The following PFKM variants were observed in gnomAD, a reference collection of about 807,000 sequenced individuals.
PFKM encodes the protein phosphofructokinase, muscle.
PFKM carries 58 observed loss-of-function variants against 95.5 expected under a neutral mutation model. The ratio of observed to expected loss-of-function variants is 0.61; its 90% CI spans 0.49 to 0.76. The LOEUF (loss-of-function observed/expected upper bound fraction) is 0.76. PFKM is among the 30% of genes least tolerant of loss of function. The pLI, the probability that PFKM is intolerant of heterozygous loss-of-function variation, is 0.00. For synonymous variants in PFKM, 336 were observed against 357.2 expected (o/e 0.94, Z 0.67); for missense variants, 678 against 1,005.4 (o/e 0.67, Z 4.40).
chr12:48,133,109 G>A lies in PFKM; in HGVS notation c.427+52G>A, dbSNP rs41291961. 0.079 allele frequency: 119,321 copies of A among 1,517,228 alleles called. 5,609 individuals are homozygous for A. The highest frequency in any genetic ancestry group is 0.096 in the Non-Finnish European group (104,265 of 1,091,512). The allele number at this position is 1,517,228 out of a possible 1,614,324, so 94.0% of individuals were successfully genotyped here. ...CTTATTTGTGTCGGTACGTGCACGC[G>A]TGTACACACACACATCGCCCCCGCC... On this transcript the variant is annotated intron_variant, in intron 5 of 22. Transcript: ENST00000359794.
intron 2 of PFKM, chr12:48,107,565 A>G (rs1337424271): frequency 9.8e-6 from 7 of 713,586 alleles, no homozygotes; most frequent in South Asian, 1.6e-5. Context: ...TTAGGGGTCA[A>G]CTGACCTTGT....
intron 4 of PFKM, chr12:48,131,985 T>C (rs775375068): frequency 2.2e-6 from 1 of 455,854 alleles, no homozygotes; most frequent in Non-Finnish European, 4.4e-6. Flanking sequence ...TTACTGAAAA[T>C]TTGTAAATTA....
At chr12:48,118,269 T>C (rs1947851752), upstream of PFKM, among the ~76,000 whole-genome samples, 1 of 152,204 alleles carries the variant, frequency 6.6e-6, no homozygotes, top group African/African-American at 2.4e-5. Context: ...ATTTTATTTT[T>C]GGTTTACATT....
At chr12:48,105,858 G>C (rs950944034), upstream of PFKM, 14 of 603,496 alleles carry the variant, frequency 2.3e-5, no homozygotes, top group African/African-American at 1.7e-4. Context: ...CGGACAGCAG[G>C]GGGGAGGGGA....
intron 3 of PFKM, among the ~76,000 whole-genome samples, chr12:48,109,224 A>AT (rs1409200243): frequency 6.6e-6 from 1 of 152,226 alleles, no homozygotes; most frequent in African/African-American, 2.4e-5. Flanking sequence ...AGGGTTCAAA[A>AT]TAACTTTGGT....
chr12:48,144,454 TGTTCTATGCAC>T (rs1388654581), intron 20 of PFKM, among the ~76,000 whole-genome samples: 1 of 152,238 alleles, frequency 6.6e-6, no homozygotes, highest in African/African-American at 2.4e-5. Context: ...CATGGGTGGC[TGTTCTATGCAC>T]TGTAGGACAG....
chr12:48,142,215 C>G, intron 17 of PFKM, 149 bp downstream of exon 17: 1 of 847,640 alleles, frequency 1.2e-6, no homozygotes, highest in Non-Finnish European at 1.9e-6. Context: ...GCTCACACTT[C>G]TAATCCCAGC....
intron 3 of PFKM, among the ~76,000 whole-genome samples, chr12:48,113,733 CCTCTA>C (rs1947418375): frequency 6.6e-6 from 1 of 152,144 alleles, no homozygotes; most frequent in East Asian, 1.9e-4. Flanking sequence ...AAATACGTTG[CCTCTA>C]CTCTATTATT....
At chr12:48,133,156 G>T in intron 5 of PFKM, 99 bp downstream of exon 5, 2 of 1,350,738 alleles carry the variant, frequency 1.5e-6, no homozygotes, top group Non-Finnish European at 2.1e-6. Context: ...TCCCATTGGA[G>T]AAAAATGTTA....
intron 3 of PFKM, among the ~76,000 whole-genome samples, chr12:48,113,913 A>G (rs1947438706): frequency 6.6e-6 from 1 of 152,122 alleles, no homozygotes; most frequent in Non-Finnish European, 1.5e-5. Flanking sequence ...TAAAGCGTCT[A>G]AGGGTTGCTG....
chr12:48,107,898 T>C (rs1946840018), intron 2 of PFKM, among the ~76,000 whole-genome samples: 1 of 152,172 alleles, frequency 6.6e-6, no homozygotes. Flanking sequence ...CTTTCCCCCA[T>C]GTATGTCAAG....
In PFKM at chr12:48,145,289, T is replaced by A; in HGVS notation, c.2172T>A (p.Ala724=). The change falls in exon 22 of 23, where the codon GCT becomes GCA. Residue 724 remains alanine, a synonymous_variant. Transcript: ENST00000359794. This position sits in a 1 kb window ranked among gnomAD's most constrained non-coding sequence, Gnocchi z 4.3. The stretch of plus-strand genomic sequence containing the variant: ...GGGCTCTGGTCTTCCAACCAGTGGC[T>A]GAGCTGAAGGACCAGACAGATTTTG... ...RKRALVFQPV[A]ELKDQTDFEH... The A allele has an allele frequency of 6.2e-7, 1 of 1,614,024 alleles. No homozygotes were observed. Among genetic ancestry groups the A allele is most frequent in the Non-Finnish European group, 8.5e-7 (1 of 1,179,864 alleles).
At chr12:48,108,030 A>G in intron 2 of PFKM, 1 of 1,596,550 alleles carries the variant, frequency 6.3e-7, no homozygotes, top group Non-Finnish European at 8.5e-7. Flanking sequence ...CTCCCTTCCC[A>G]GAATCCCACC....
chr12:48,130,041 A>C (rs1949305905), intron 2 of PFKM, among the ~76,000 whole-genome samples: 1 of 152,212 alleles, frequency 6.6e-6, no homozygotes, highest in Non-Finnish European at 1.5e-5. Context: ...TCTAGCCCAC[A>C]ATACACATTC....
At chr12:48,131,910 C>T in intron 4 of PFKM, 1 of 414,992 alleles carries the variant, frequency 2.4e-6, no homozygotes, top group Middle Eastern at 4.3e-4. Flanking sequence ...TTGTTTTAGG[C>T]TTCTCATGTG....
At chr12:48,131,825 A>G (rs962216827) in intron 4 of PFKM, 7 of 359,668 alleles carry the variant, frequency 1.9e-5, no homozygotes, top group Non-Finnish European at 2.7e-5. Context: ...GAACTGAGAC[A>G]GCCTTTCGGA....
intron 2 of PFKM, among the ~76,000 whole-genome samples, chr12:48,130,131 G>T (rs924186354): frequency 1.1e-4 from 16 of 152,146 alleles, no homozygotes; most frequent in African/African-American, 3.6e-4. Flanking sequence ...CAGGATTTTG[G>T]GGGGGCTTGA....
At chr12:48,105,407 G>A (rs565431650), upstream of PFKM, 273 of 519,058 alleles carry the variant, frequency 5.3e-4, 3 homozygotes, top group South Asian at 3.6e-3. Context: ...ATTACCAGGA[G>A]GCGATGAGCC....
intron 3 of PFKM, among the ~76,000 whole-genome samples, chr12:48,111,748 G>A (rs1186210481): frequency 6.6e-6 from 1 of 152,178 alleles, no homozygotes; most frequent in Non-Finnish European, 1.5e-5. Context: ...GGATCAAAGA[G>A]AGACAGTCAT....
Sources: gnomAD v4.1 joint callset for allele counts (sites outside exome capture counted in the v4.1 genomes callset) on GRCh38, gnomAD v4.1.1 for gene constraint, Gnocchi (gnomAD v3.1) non-coding constraint, MANE v1.5 for transcripts, NCBI Gene and HGNC (gene_info 2026-07-23, HGNC 2026-07-21) for gene names.